Variants in SLCO2A1 observed in about 807,000 individuals in gnomAD.
SLCO2A1 encodes solute carrier organic anion transporter family member 2A1.
Under a neutral mutation model 71.7 loss-of-function variants are expected in SLCO2A1, and 60 were observed. The ratio of observed to expected loss-of-function variants is 0.84; its 90% CI spans 0.68 to 1.04. The LOEUF is 1.04. SLCO2A1 is among the 50% of genes least tolerant of loss of function. The pLI is 0.00. For synonymous variants in SLCO2A1, 308 were observed against 326.7 expected (o/e 0.94, Z 0.62); for missense variants, 745 against 813.4 (o/e 0.92, Z 1.02).
intron 2 of SLCO2A1, among the ~76,000 whole-genome samples, chr3:133,978,920 G>T (rs11714164): frequency 0.1 from 15,219 of 152,192 alleles, 946 homozygotes; most frequent in East Asian, 0.29. Flanking sequence ...GGCAGGAAAT[G>T]CTCGGAGGCC....
At chr3:133,994,250 A>G (rs911297153) in intron 1 of SLCO2A1, among the ~76,000 whole-genome samples, 7 of 152,240 alleles carry the variant, frequency 4.6e-5, no homozygotes, top group African/African-American at 1.7e-4. Flanking sequence ...TGAGAGGTAC[A>G]TGTGATCCCT....
chr3:133,965,382 C>A (rs910707133), intron 3 of SLCO2A1, among the ~76,000 whole-genome samples: 4 of 152,154 alleles, frequency 2.6e-5, no homozygotes, highest in Admixed American at 2.6e-4. Context: ...CCAGCGTCAC[C>A]CAGAAAGAAG....
intron 1 of SLCO2A1, among the ~76,000 whole-genome samples, chr3:134,002,249 T>C (rs986486816): frequency 5.3e-5 from 8 of 152,152 alleles, no homozygotes; most frequent in Admixed American, 5.2e-4. Flanking sequence ...AATTCCAATA[T>C]GTGGTGGTCT....
intron 9 of SLCO2A1, among the ~76,000 whole-genome samples, chr3:133,945,914 G>A (rs1002854448): frequency 3.3e-5 from 5 of 152,178 alleles, no homozygotes; most frequent in Non-Finnish European, 4.4e-5. Context: ...GGCTTTACAT[G>A]CACAATCATC....
At chr3:133,941,469 G>A (rs1485999044) in intron 11 of SLCO2A1, among the ~76,000 whole-genome samples, 1 of 152,076 alleles carries the variant, frequency 6.6e-6, no homozygotes, top group Non-Finnish European at 1.5e-5. Context: ...GCAGAGCAGG[G>A]ACTTTAATCC....
chr3:134,004,340 T>C (rs1271312282), intron 1 of SLCO2A1, among the ~76,000 whole-genome samples: 1 of 152,182 alleles, frequency 6.6e-6, no homozygotes, highest in East Asian at 1.9e-4. Flanking sequence ...TTTTTTTGTT[T>C]TGTTTTTGTT....
At position 133,950,229 on chromosome 3, in the gene SLCO2A1, C is replaced by T. The variant is rs138440529; in HGVS notation, c.861+979G>A. On this transcript the variant is annotated intron_variant, in intron 6 of 13. Coordinates refer to ENST00000310926, the MANE Select transcript of SLCO2A1 (RefSeq NM_005630.3). ...CAGCACCTGCATGATGTGTAGCCAA[C>T]GTCTGAAATTCTTCCCCAAGACAAG... 4.6e-5 allele frequency among the ~76,000 whole-genome samples: 7 copies of T among 152,254 alleles called. No homozygotes were observed. In the South Asian group the frequency reaches 1.0e-3, roughly 23 times the overall value.
intron 1 of SLCO2A1, among the ~76,000 whole-genome samples, chr3:134,007,117 G>T (rs1331618449): frequency 6.6e-6 from 1 of 152,148 alleles, no homozygotes; most frequent in Non-Finnish European, 1.5e-5. Context: ...GGCCACTTGT[G>T]TATCATTTTT....
rs201970391 is a variant in SLCO2A1 at position 133,973,691 on chromosome 3, C to T, written c.369G>A (p.Glu123=). The T allele has an allele frequency of 6.8e-6, 11 of 1,613,940 alleles. No homozygotes were observed. Among genetic ancestry groups the T allele is most frequent in the East Asian group, 2.2e-5 (1 of 44,876 alleles). Reference sequence around the variant, plus strand: ...TGCTGGCCAAGGTGTACTGGTAGGGCTCGGAGAGGAAGTGTGGGAGGGTGA... The same window carrying T: ...TGCTGGCCAAGGTGTACTGGTAGGGTTCGGAGAGGAAGTGTGGGAGGGTGA... ...FILTLPHFLS[E]PYQYTLASTG... Residue 123 remains glutamate (E), a synonymous_variant, in exon 3 of 14, where the codon GAG becomes GAA. Transcript: ENST00000310926.
chr3:133,954,670 G>T, intron 4 of SLCO2A1, among the ~76,000 whole-genome samples: 1 of 152,138 alleles, frequency 6.6e-6, no homozygotes, highest in Non-Finnish European at 1.5e-5. Flanking sequence ...CCAGCTAAGT[G>T]GTTACATATG....
At chr3:133,940,049 C>A (rs2108037622) in intron 11 of SLCO2A1, among the ~76,000 whole-genome samples, 1 of 150,728 alleles carries the variant, frequency 6.6e-6, no homozygotes, top group East Asian at 2.0e-4. Context: ...CTCACTGCAA[C>A]CTCCACTTCC....
intron 1 of SLCO2A1, among the ~76,000 whole-genome samples, chr3:134,019,877 G>A (rs1935534059): frequency 6.6e-6 from 1 of 152,070 alleles, no homozygotes; most frequent in Admixed American, 6.6e-5. Flanking sequence ...TTCCCACTAA[G>A]GGAGGAGACC....
chr3:133,942,904 G>C, intron 10 of SLCO2A1, 136 bp from the exon 11 acceptor site: 1 of 923,430 alleles, frequency 1.1e-6, no homozygotes, highest in Non-Finnish European at 1.5e-6. Context: ...TCCCAGGGAA[G>C]CTGGGTGAGC....
At chr3:133,983,771 C>T (rs1934647009) in intron 1 of SLCO2A1, among the ~76,000 whole-genome samples, 1 of 152,216 alleles carries the variant, frequency 6.6e-6, no homozygotes, top group Non-Finnish European at 1.5e-5. Context: ...TGGCACATGG[C>T]TGGTGGCAAG....
chr3:134,013,049 T>A (rs1935372679), intron 1 of SLCO2A1, among the ~76,000 whole-genome samples: 1 of 152,186 alleles, frequency 6.6e-6, no homozygotes. Context: ...TAGGCAATTT[T>A]TTCTTGGAAA....
intron 1 of SLCO2A1, among the ~76,000 whole-genome samples, chr3:134,016,000 A>G (rs1935448361): frequency 6.6e-6 from 1 of 152,188 alleles, no homozygotes; most frequent in African/African-American, 2.4e-5. Context: ...AAACAAACAA[A>G]AAAAACACCT....
intron 3 of SLCO2A1, among the ~76,000 whole-genome samples, chr3:133,965,469 G>T (rs1048192540): frequency 1.3e-5 from 2 of 152,346 alleles, no homozygotes; most frequent in Admixed American, 1.3e-4. Context: ...ATGTGTGAAT[G>T]ACATGGATGA....
chr3:134,023,411 C>A (rs1481548224), intron 1 of SLCO2A1, among the ~76,000 whole-genome samples: 1 of 152,208 alleles, frequency 6.6e-6, no homozygotes, highest in Non-Finnish European at 1.5e-5. Flanking sequence ...AAGTCAAAGA[C>A]AGCTTTCTGC....
In SLCO2A1 at chr3:134,029,248, G is replaced by A. The variant is rs772027913; in HGVS notation, c.96+459C>T. On this transcript the variant is annotated intron_variant, in intron 1 of 13. Coordinates refer to ENST00000310926, the MANE Select transcript of SLCO2A1 (RefSeq NM_005630.3). ...CACCCCAGGACGAGGGGGCTCGGAC[G>A]AGACACAGTCTGTCCCCCAAAGCGC... Among the ~76,000 whole-genome samples, 12 of 152,268 alleles carry A rather than the reference G, an allele frequency of 7.9e-5. No individual in the cohort carries two copies. In the East Asian group the frequency reaches 1.9e-3, roughly 25 times the overall value.
Sources: gnomAD v4.1 joint callset for allele counts (sites outside exome capture counted in the v4.1 genomes callset) on GRCh38, gnomAD v4.1.1 for gene constraint, MANE v1.5 for transcripts, NCBI Gene and HGNC (gene_info 2026-07-23, HGNC 2026-07-21) for gene names.